The following LPIN1 variants were observed in gnomAD, a reference collection of about 807,000 sequenced individuals.
LPIN1 encodes phosphatidate phosphatase LPIN1.
In LPIN1, 71 loss-of-function variants were observed where a neutral mutation model predicts 107.5. That is an observed-to-expected ratio of 0.66 (90% confidence interval 0.55 to 0.80). The LOEUF (loss-of-function observed/expected upper bound fraction) is 0.80. Ranked by LOEUF, LPIN1 falls within the 30% of genes least tolerant of loss-of-function variation. The pLI, the probability that LPIN1 is intolerant of heterozygous loss-of-function variation, is 0.00. For missense variants in LPIN1, 1,043 were observed against 1,160.6 expected, an observed-to-expected ratio of 0.90 and a Z score of 1.47; for synonymous variants, 445 against 452.6, an observed-to-expected ratio of 0.98 and a Z score of 0.21.
chr2:11,801,180 A>G (rs1278076628), intron 14 of LPIN1, among the ~76,000 whole-genome samples: 1 of 152,246 alleles, frequency 6.6e-6, no homozygotes, highest in Non-Finnish European at 1.5e-5. Flanking sequence ...TACAGCTATT[A>G]TGGAAAACAG....
intron 1 of LPIN1, among the ~76,000 whole-genome samples, chr2:11,759,439 C>G (rs1388376544): frequency 6.6e-6 from 1 of 152,106 alleles, no homozygotes; most frequent in Non-Finnish European, 1.5e-5. Context: ...CTTGCACCGC[C>G]CTTAATCCAT....
At chr2:11,714,758 G>A (rs901613694) in intron 2 of LPIN1, among the ~76,000 whole-genome samples, 1 of 152,214 alleles carries the variant, frequency 6.6e-6, no homozygotes, top group Non-Finnish European at 1.5e-5. Context: ...CTGTGGCCTG[G>A]TCCAAGCCTT....
chr2:11,731,265 C>T (rs879957052), intron 1 of LPIN1, among the ~76,000 whole-genome samples: 1 of 150,834 alleles, frequency 6.6e-6, no homozygotes, highest in African/African-American at 2.4e-5. Context: ...GTGTGTTGTT[C>T]CCCTCCCTGT....
At position 11,813,281 on chromosome 2, in the gene LPIN1, G is replaced by C. The variant is rs189184560; in HGVS notation, c.2250-1807G>C. On this transcript the variant is annotated intron_variant, in intron 17 of 20. Coordinates refer to ENST00000674199, the MANE Select transcript of LPIN1 (RefSeq NM_001349206.2). ...TGTATAGATAGTGTTTAAAATTTTT[G>C]AATAATATGTTTTACTTAATCCAAC... Among the ~76,000 whole-genome samples the C allele has an allele frequency of 6.6e-5, 10 of 152,162 alleles. No homozygotes were observed. In the East Asian group the frequency reaches 1.5e-3, roughly 23 times the overall value.
At chr2:11,814,419 G>A (rs1680207503) in intron 17 of LPIN1, among the ~76,000 whole-genome samples, 1 of 152,084 alleles carries the variant, frequency 6.6e-6, no homozygotes, top group Non-Finnish European at 1.5e-5. Flanking sequence ...CTCAATGCTT[G>A]TAGTCAGCTT....
upstream of LPIN1, chr2:11,746,629 T>A: frequency 1.0e-6 from 1 of 985,280 alleles, no homozygotes; most frequent in Non-Finnish European, 1.2e-6. Context: ...GGCGGCGGGC[T>A]GGGTGTTTGC....
At chr2:11,690,871 G>A (rs1407910639) in intron 1 of LPIN1, among the ~76,000 whole-genome samples, 1 of 151,844 alleles carries the variant, frequency 6.6e-6, no homozygotes, top group Admixed American at 6.6e-5. Flanking sequence ...TTTTAATGGA[G>A]GTTATTCCTT....
intron 1 of LPIN1, among the ~76,000 whole-genome samples, chr2:11,749,714 G>A (rs528278835): frequency 3.3e-5 from 5 of 152,196 alleles, no homozygotes; most frequent in Admixed American, 2.0e-4. Context: ...TGCAGGGCGC[G>A]TTGTGCCGCT....
chr2:11,813,438 G>A (rs966642731), intron 17 of LPIN1, among the ~76,000 whole-genome samples: 1 of 151,938 alleles, frequency 6.6e-6, no homozygotes, highest in African/African-American at 2.4e-5. Flanking sequence ...AGACAGAAAA[G>A]GTCACACACA....
chr2:11,678,412 C>G (rs1267597674), intron 1 of LPIN1, among the ~76,000 whole-genome samples: 2 of 152,136 alleles, frequency 1.3e-5, no homozygotes, highest in East Asian at 3.8e-4. Context: ...CTTCCAGAGG[C>G]CAGGGGGTTG....
At chr2:11,702,973 C>T (rs1662957055) in intron 1 of LPIN1, among the ~76,000 whole-genome samples, 1 of 152,158 alleles carries the variant, frequency 6.6e-6, no homozygotes, top group African/African-American at 2.4e-5. Context: ...ATGACCGCCT[C>T]CCAGGCTTGG....
At chr2:11,752,286 C>A (rs1387003514) in intron 1 of LPIN1, among the ~76,000 whole-genome samples, 1 of 152,062 alleles carries the variant, frequency 6.6e-6, no homozygotes, top group Non-Finnish European at 1.5e-5. Flanking sequence ...TAATGAAATG[C>A]TTTGATTTTG....
chr2:11,783,723 G>C, intron 8 of LPIN1, 106 bp from the exon 9 acceptor site: 1 of 943,562 alleles, frequency 1.1e-6, no homozygotes, highest in South Asian at 1.3e-5. Context: ...TTGAGTACCT[G>C]GGAGCAAATC....
chr2:11,763,325 A>AG (rs1163011829), intron 1 of LPIN1: 2 of 153,188 alleles, frequency 1.3e-5, no homozygotes, highest in Non-Finnish European at 2.9e-5. Context: ...CGGTTAGCAC[A>AG]GCAGGGCACA....
At position 11,826,365 on chromosome 2, in the gene LPIN1, C is replaced by T. The variant is rs958605690; in HGVS notation, c.*1574C>T. 3 of 152,440 alleles carry T rather than the reference C, an allele frequency of 2.0e-5. No individual in the cohort carries two copies. The highest frequency in any genetic ancestry group is 4.4e-5 in the Non-Finnish European group (3 of 68,028). 9.4% of individuals were successfully genotyped at this position (152,440 alleles called of 1,614,324 possible). ...AAAGGCAAACAGATCTGCCATCGAT[C>T]GCAGATTTCTGTAGAAACACGGATG... On this transcript the variant is annotated 3_prime_UTR_variant, in exon 21 of 21. Transcript: ENST00000674199.
intron 1 of LPIN1, among the ~76,000 whole-genome samples, chr2:11,685,306 G>A (rs1661947045): frequency 6.6e-6 from 1 of 152,156 alleles, no homozygotes; most frequent in Admixed American, 6.5e-5. Context: ...CGGTGTGGAG[G>A]CTGGCGGAGC....
chr2:11,724,302 G>A (rs567032414), upstream of LPIN1: 22 of 981,498 alleles, frequency 2.2e-5, no homozygotes, highest in South Asian at 4.7e-5. Context: ...GAATCCTGCC[G>A]CCCAACAATG....
chr2:11,700,248 T>C (rs983114791), intron 1 of LPIN1, among the ~76,000 whole-genome samples: 2 of 151,862 alleles, frequency 1.3e-5, no homozygotes, highest in African/African-American at 4.8e-5. Context: ...GCCTCAAGAG[T>C]CTGCCCAAGT....
At chr2:11,776,030 G>A (rs987857043) in intron 5 of LPIN1, 56 bp from the exon 6 acceptor site, 39 of 851,214 alleles carry the variant, frequency 4.6e-5, no homozygotes, top group African/African-American at 6.7e-5. Flanking sequence ...CTCACTTGAT[G>A]TAATTGACCT....
Sources: gnomAD v4.1 joint callset for allele counts (sites outside exome capture counted in the v4.1 genomes callset) on GRCh38, gnomAD v4.1.1 for gene constraint, MANE v1.5 for transcripts, NCBI Gene and HGNC (gene_info 2026-07-23, HGNC 2026-07-21) for gene names.